Variants in GDPD5 observed in about 807,000 individuals in gnomAD.
GDPD5 encodes glycerophosphodiester phosphodiesterase domain containing 5.
A neutral mutation model predicts 75.1 loss-of-function variants in GDPD5; 48 were observed. The ratio of observed to expected loss-of-function variants is 0.64; its 90% confidence interval spans 0.51 to 0.81. The LOEUF is 0.81. GDPD5 is among the 40% of genes least tolerant of loss of function. The pLI, the probability that GDPD5 is intolerant of heterozygous loss-of-function variation, is 0.00. For missense variants in GDPD5, 706 were observed against 822.6 expected (o/e 0.86, Z 1.73); for synonymous variants, 336 against 339.0 (o/e 0.99, Z 0.10).
intron 3 of GDPD5, among the ~76,000 whole-genome samples, chr11:75,467,341 T>C (rs1949539478): frequency 6.6e-6 from 1 of 152,178 alleles, no homozygotes; most frequent in South Asian, 2.1e-4. Context: ...GGTGGCTCAC[T>C]GGGCTGCGAG....
chr11:75,448,578 G>A (rs977621493), intron 9 of GDPD5: 42 of 997,414 alleles, frequency 4.2e-5, no homozygotes, highest in East Asian at 1.1e-4. Flanking sequence ...AACTCACGTC[G>A]GTTCAGCCGT....
chr11:75,444,180 C>T (rs1468454077), intron 10 of GDPD5, among the ~76,000 whole-genome samples: 1 of 152,150 alleles, frequency 6.6e-6, no homozygotes, highest in Non-Finnish European at 1.5e-5. Context: ...CTATTTTTCC[C>T]TTCAAGTGGC....
At chr11:75,501,228 G>C (rs779311923) in intron 1 of GDPD5, among the ~76,000 whole-genome samples, 1 of 152,184 alleles carries the variant, frequency 6.6e-6, no homozygotes, top group African/African-American at 2.4e-5. Flanking sequence ...ACCCTGGCTC[G>C]GCCCCTCCTC....
intron 2 of GDPD5, among the ~76,000 whole-genome samples, chr11:75,486,841 A>G (rs1185668855): frequency 6.6e-6 from 1 of 152,166 alleles, no homozygotes; most frequent in Non-Finnish European, 1.5e-5. Flanking sequence ...CAGAAATGAG[A>G]AAAGATTTGC....
chr11:75,448,796 A>G (rs11600955), intron 9 of GDPD5, 181 bp downstream of exon 9: 434 of 1,177,566 alleles, frequency 3.7e-4, no homozygotes, highest in Non-Finnish European at 4.3e-4. Context: ...AGATGCCTTC[A>G]GGACGCTTCA....
Position 75,477,673 on chromosome 11 carries a change from G to A in GDPD5, c.63C>T (p.Gly21=). ...EPQLCLSCLT[G]IYGCRWKRYQ... is the part of the protein sequence containing the mutation. ...AGCGCTTCCAACGGCAGCCGTAGAT[G>A]CCCGTGAGGCAGGAGAGGCACAGCT... The change falls in exon 3 of 17, where the codon GGC becomes GGT. Residue 21 remains glycine (G), a synonymous_variant. Coordinates refer to ENST00000336898, the MANE Select transcript of GDPD5 (RefSeq NM_030792.8). 3 of 1,600,864 alleles carry A rather than the reference G, an allele frequency of 1.9e-6. No homozygotes were observed. The highest frequency in any genetic ancestry group is 2.6e-6 in the Non-Finnish European group (3 of 1,170,306).
chr11:75,444,468 A>C lies in GDPD5; in HGVS notation c.742T>G (p.Phe248Val). 4 of 1,613,840 alleles carry C rather than the reference A, an allele frequency of 2.5e-6. No individual in the cohort carries two copies. The highest frequency in any genetic ancestry group is 3.4e-6 in the Non-Finnish European group (4 of 1,179,882). Residue 248 changes from phenylalanine (F) to valine (V), a missense_variant, in exon 10 of 17, where the codon TTC (phenylalanine) becomes GTC (valine). Phe to Val is a conservative substitution (Grantham distance 50). Coordinates refer to ENST00000336898, the MANE Select transcript of GDPD5 (RefSeq NM_030792.8). ...AGCTTCTGCTCGAGGGCCTTCCGGA[A>C]GGACATGAGCGTGTGCTCTGGAGCC... ...MLAPEHTLMS[F>V]RKALEQKLYG...
At chr11:75,455,815 A>G (rs548709617) in intron 6 of GDPD5, among the ~76,000 whole-genome samples, 1 of 152,316 alleles carries the variant, frequency 6.6e-6, no homozygotes, top group Non-Finnish European at 1.5e-5. Flanking sequence ...ACACTTCAGC[A>G]CTATGCCTGC....
rs114791429 is a variant in GDPD5, at chr11:75,520,163, G to T, written c.-145+5047C>A. 3.7e-3 allele frequency among the ~76,000 whole-genome samples: 565 copies of T among 152,298 alleles called. 5 individuals are homozygous for T. The highest frequency in any genetic ancestry group is 0.013 in the African/African-American group (547 of 41,546). ...AGTCCCCCTAAGGGAAGGCCTCCCT[G>T]CCATCTGGCACGCCCTCCCTCCAGC... On this transcript the variant is annotated intron_variant, in intron 1 of 16. Transcript: ENST00000336898.
At chr11:75,462,249 G>C (rs887924522) in intron 4 of GDPD5, among the ~76,000 whole-genome samples, 1 of 152,224 alleles carries the variant, frequency 6.6e-6, no homozygotes, top group Non-Finnish European at 1.5e-5. Context: ...ACAGCACCGG[G>C]AAGGAATGCC....
chr11:75,445,300 CCA>C, intron 9 of GDPD5, among the ~76,000 whole-genome samples: 1 of 152,174 alleles, frequency 6.6e-6, no homozygotes, highest in East Asian at 1.9e-4. Context: ...CAGGTGCATG[CCA>C]CCACACCCAG....
chr11:75,486,546 C>T lies in GDPD5; in HGVS notation c.-61+3691G>A, dbSNP rs61897412. Among the ~76,000 whole-genome samples the T allele has an allele frequency of 4.1e-3, 618 of 152,314 alleles. 3 individuals are homozygous for T. Among genetic ancestry groups the T allele is most frequent in the Non-Finnish European group, 6.6e-3 (450 of 68,028 alleles). On this transcript the variant is annotated intron_variant, in intron 2 of 16. Transcript: ENST00000336898. ...GCAGGGCCATGGTTTCCATAGGGCT[C>T]CGGGATCATGGCCTTGGAGCAGGAC...
intron 6 of GDPD5, among the ~76,000 whole-genome samples, chr11:75,453,932 A>G (rs1032515299): frequency 6.6e-6 from 1 of 152,208 alleles, no homozygotes; most frequent in Non-Finnish European, 1.5e-5. Context: ...ACCAAGTGAC[A>G]CCATAGAAAA....
chr11:75,489,439 T>C (rs1032361502), intron 2 of GDPD5, among the ~76,000 whole-genome samples: 6 of 152,238 alleles, frequency 3.9e-5, no homozygotes, highest in African/African-American at 1.2e-4. Context: ...TTCACCTTGG[T>C]GACCAATGAA....
At chr11:75,475,480 C>T (rs1055157711) in intron 3 of GDPD5, among the ~76,000 whole-genome samples, 4 of 152,330 alleles carry the variant, frequency 2.6e-5, no homozygotes, top group East Asian at 1.9e-4. Flanking sequence ...GACACTAGGT[C>T]GCTATTCCTT....
chr11:75,473,797 C>G (rs1490679588), intron 3 of GDPD5, among the ~76,000 whole-genome samples: 1 of 152,144 alleles, frequency 6.6e-6, no homozygotes, highest in Non-Finnish European at 1.5e-5. Flanking sequence ...TGAACACTTC[C>G]CTGGTCTGTG....
intron 9 of GDPD5, among the ~76,000 whole-genome samples, chr11:75,446,721 G>A (rs1948995170): frequency 6.6e-6 from 1 of 152,120 alleles, no homozygotes; most frequent in African/African-American, 2.4e-5. Flanking sequence ...CAGAGTCAGA[G>A]CCCCCCAAGG....
At chr11:75,460,257 T>C (rs1345127792) in intron 4 of GDPD5, among the ~76,000 whole-genome samples, 1 of 152,150 alleles carries the variant, frequency 6.6e-6, no homozygotes, top group Non-Finnish European at 1.5e-5. Flanking sequence ...TCCCTGGCTG[T>C]CACTCACATC....
chr11:75,466,517 T>C (rs1949520032), intron 3 of GDPD5, among the ~76,000 whole-genome samples: 1 of 152,182 alleles, frequency 6.6e-6, no homozygotes, highest in African/African-American at 2.4e-5. Flanking sequence ...AATCTGGCCC[T>C]GCTCCCAGAG....
Sources: gnomAD v4.1 joint callset for allele counts (sites outside exome capture counted in the v4.1 genomes callset) on GRCh38, gnomAD v4.1.1 for gene constraint, MANE v1.5 for transcripts, NCBI Gene and HGNC (gene_info 2026-07-23, HGNC 2026-07-21) for gene names.